Variants in TCF4 observed in about 807,000 individuals in gnomAD.
The protein encoded by TCF4 is transcription factor 4.
TCF4 carries 3 observed loss-of-function variants against 82.1 expected under a neutral mutation model. The observed-to-expected ratio is 0.04, with a 90% CI of 0.02 to 0.09. The LOEUF (loss-of-function observed/expected upper bound fraction) is 0.09. Ranked by LOEUF, TCF4 falls within the 10% of genes least tolerant of loss-of-function variation. The probability of loss-of-function intolerance (pLI) is 1.00; values close to 1 mark genes in which losing one functional copy is unlikely to be tolerated. For missense variants in TCF4, 518 were observed against 852.7 expected, an observed-to-expected ratio of 0.61 and a Z score of 4.89; for synonymous variants, 276 against 309.6, an observed-to-expected ratio of 0.89 and a Z score of 1.14.
intron 6 of TCF4, among the ~76,000 whole-genome samples, chr18:55,387,814 C>G (rs2092722482): frequency 6.6e-6 from 1 of 152,168 alleles, no homozygotes; most frequent in African/African-American, 2.4e-5. Flanking sequence ...GGATGTGTTT[C>G]CGGCTGCTGC....
intron 15 of TCF4, among the ~76,000 whole-genome samples, chr18:55,237,467 CTTTTT>C (rs538071929): frequency 8.2e-6 from 1 of 122,668 alleles, no homozygotes; most frequent in Non-Finnish European, 1.7e-5. Context: ...GTTGTTCTGA[CTTTTT>C]TTTTTTTTTT....
chr18:55,439,799 T>C lies in TCF4; in HGVS notation c.304+21220A>G, dbSNP rs1028845470. On this transcript the variant is annotated intron_variant, in intron 5 of 19. Coordinates refer to ENST00000354452, the MANE Select transcript of TCF4 (RefSeq NM_001083962.2). ...GTATAACGGCATGATCTCAGCTCAC[T>C]GCAACCGCCGCCTCCTGGGTTCAAT... Among the ~76,000 whole-genome samples the C allele has an allele frequency of 2.0e-5, 3 of 152,234 alleles. 1 individual carries two copies. The highest frequency in any genetic ancestry group is 1.5e-5 in the Non-Finnish European group (1 of 68,048).
chr18:55,405,076 GAAGAA>G (rs2094018563), intron 5 of TCF4, among the ~76,000 whole-genome samples: 2 of 152,350 alleles, frequency 1.3e-5, no homozygotes, highest in African/African-American at 2.4e-5. Flanking sequence ...ATTTTGCACT[GAAGAA>G]AAGATAAATT....
intron 13 of TCF4, among the ~76,000 whole-genome samples, chr18:55,258,803 T>C (rs2057425085): frequency 6.6e-6 from 1 of 152,110 alleles, no homozygotes; most frequent in African/African-American, 2.4e-5. Flanking sequence ...TTTTTCAGAG[T>C]GTAAGAATCT....
intron 3 of TCF4, among the ~76,000 whole-genome samples, chr18:55,481,046 G>A (rs1028898853): frequency 3.4e-5 from 5 of 145,102 alleles, no homozygotes; most frequent in African/African-American, 1.0e-4. Context: ...GGAGGCTGCA[G>A]TGAGCCAAGA....
At chr18:55,423,209 C>T (rs1043316059) in intron 5 of TCF4, among the ~76,000 whole-genome samples, 4 of 152,022 alleles carry the variant, frequency 2.6e-5, no homozygotes, top group East Asian at 1.9e-4. Context: ...ATTAATGCCA[C>T]GCTTAATTAT....
At chr18:55,537,362 G>A (rs1277147823) in intron 3 of TCF4, among the ~76,000 whole-genome samples, 1 of 152,050 alleles carries the variant, frequency 6.6e-6, no homozygotes, top group Non-Finnish European at 1.5e-5. Context: ...GACCAAGGTG[G>A]GCAGATTGCT....
chr18:55,507,702 C>T (rs2096778408), intron 3 of TCF4, among the ~76,000 whole-genome samples: 1 of 152,142 alleles, frequency 6.6e-6, no homozygotes, highest in South Asian at 2.1e-4. Context: ...GCTAAGGGGA[C>T]ACACACAGAG....
chr18:55,296,812 T>A (rs2066620753), intron 8 of TCF4, among the ~76,000 whole-genome samples: 1 of 152,138 alleles, frequency 6.6e-6, no homozygotes, highest in African/African-American at 2.4e-5. Context: ...AAATTTAAAC[T>A]GCATATAATT....
intron 3 of TCF4, among the ~76,000 whole-genome samples, chr18:55,503,496 T>C (rs555074254): frequency 7.0e-4 from 106 of 152,316 alleles, no homozygotes; most frequent in African/African-American, 2.4e-3. Context: ...AATAGATGAA[T>C]AAACTGAGCC....
intron 1 of TCF4, among the ~76,000 whole-genome samples, chr18:55,634,263 C>G (rs1490139710): frequency 6.6e-6 from 1 of 151,508 alleles, no homozygotes; most frequent in Non-Finnish European, 1.5e-5. Flanking sequence ...GAGTGAGACT[C>G]CGTCTCAAAA....
At chr18:55,323,159 G>A (rs1473361712) in intron 8 of TCF4, among the ~76,000 whole-genome samples, 2 of 152,138 alleles carry the variant, frequency 1.3e-5, no homozygotes, top group African/African-American at 2.4e-5. Flanking sequence ...GAAAGGGAGG[G>A]ATGTGGGGAG....
At chr18:55,245,141 A>C (rs903295266) in intron 15 of TCF4, among the ~76,000 whole-genome samples, 1 of 152,210 alleles carries the variant, frequency 6.6e-6, no homozygotes, top group Non-Finnish European at 1.5e-5. Flanking sequence ...GTAATGCTAC[A>C]GCTTTTTTTC....
At position 55,625,001 on chromosome 18, in the gene TCF4, C is replaced by T. The variant is rs1339247596; in HGVS notation, c.286+6297G>A. 2.0e-5 allele frequency among the ~76,000 whole-genome samples: 3 copies of T among 152,032 alleles called. No homozygotes were observed. The East Asian group carries it at 5.8e-4, about 29-fold the overall frequency. ...GCCGACTTTTTTTTGGTACAAAGTA[C>T]TACAGATTGTTTCTAGAAATTATGA... On this transcript the variant is annotated intron_variant, in intron 2 of 20. Transcript: ENST00000398339.
chr18:55,325,403 G>T (rs1031041005), intron 8 of TCF4, among the ~76,000 whole-genome samples: 1 of 152,100 alleles, frequency 6.6e-6, no homozygotes, highest in East Asian at 1.9e-4. Flanking sequence ...CTATCCACTC[G>T]ACCACAGAGC....
Position 55,257,535 on chromosome 18 carries a change from A to G in TCF4, c.1070-144T>C, listed in dbSNP as rs562205923. On this transcript the variant is annotated intron_variant, in intron 13 of 19. Transcript: ENST00000354452. ...ACGTAAATACATGTAAACTTCCCAT[A>G]TAAGAATTTTGGGACAAGGAAAACA... 13 of 778,478 alleles carry G rather than the reference A, an allele frequency of 1.7e-5. No homozygotes were observed. In the East Asian group the frequency reaches 3.4e-4, roughly 20 times the overall value. The allele number at this position is 778,478 out of a possible 1,614,324, so 48.2% of individuals were successfully genotyped here. A position where few individuals can be genotyped will look rare whatever the true frequency, so the allele number is the denominator to read the frequency against.
At chr18:55,394,754 A>G (rs2093388751) in intron 6 of TCF4, among the ~76,000 whole-genome samples, 1 of 152,212 alleles carries the variant, frequency 6.6e-6, no homozygotes, top group Non-Finnish European at 1.5e-5. Context: ...ATGAGATTAG[A>G]AAACAACACG....
At chr18:55,631,057 T>TG (rs949016417) in intron 2 of TCF4, among the ~76,000 whole-genome samples, 1 of 151,556 alleles carries the variant, frequency 6.6e-6, no homozygotes, top group Non-Finnish European at 1.5e-5. Flanking sequence ...ATGGGTTTTT[T>TG]TTTTTTTTTT....
intron 6 of TCF4, among the ~76,000 whole-genome samples, chr18:55,378,964 T>C (rs2091392985): frequency 6.6e-6 from 1 of 152,226 alleles, no homozygotes; most frequent in Non-Finnish European, 1.5e-5. Flanking sequence ...TCAAATAAGA[T>C]GTCTCTTACA....
Sources: gnomAD v4.1 joint callset for allele counts (sites outside exome capture counted in the v4.1 genomes callset) on GRCh38, gnomAD v4.1.1 for gene constraint, MANE v1.5 for transcripts, NCBI Gene and HGNC (gene_info 2026-07-23, HGNC 2026-07-21) for gene names.